The following PCDH15 variants were observed in gnomAD, a reference collection of about 807,000 sequenced individuals.
PCDH15 encodes protocadherin related 15, also known as protocadherin-15.
In PCDH15, 129 loss-of-function variants were observed where a neutral mutation model predicts 178.5. That is an observed-to-expected ratio of 0.72 (90% CI 0.63 to 0.84). The LOEUF is 0.84. PCDH15 is among the 40% of genes least tolerant of loss of function. The pLI, the probability that PCDH15 is intolerant of heterozygous loss-of-function variation, is 0.00. For missense variants in PCDH15, 2,230 were observed against 2,099.9 expected (o/e 1.06, Z -1.21); for synonymous variants, 800 against 732.0 (o/e 1.09, Z -1.50).
At chr10:54,532,176 T>G (rs2083995695) in intron 2 of PCDH15, among the ~76,000 whole-genome samples, 1 of 152,148 alleles carries the variant, frequency 6.6e-6, no homozygotes. Context: ...TTAAGCAGAG[T>G]GATCTTTATA....
chr10:55,357,645 A>G (rs1269177246), intron 2 of PCDH15, among the ~76,000 whole-genome samples: 1 of 152,032 alleles, frequency 6.6e-6, no homozygotes, highest in Non-Finnish European at 1.5e-5. Context: ...ACTACTTCTA[A>G]TAAATTGTAG....
intron 1 of PCDH15, among the ~76,000 whole-genome samples, chr10:55,190,408 G>A (rs1839917640): frequency 6.6e-6 from 1 of 151,672 alleles, no homozygotes; most frequent in African/African-American, 2.4e-5. Context: ...GCATTTTATT[G>A]TATGTAAGTT....
At chr10:54,696,681 T>C (rs184082312) in intron 1 of PCDH15, among the ~76,000 whole-genome samples, 12,031 of 151,006 alleles carry the variant, frequency 0.08, 536 homozygotes, top group South Asian at 0.15. Flanking sequence ...AGAAAATAAA[T>C]GAAAAAAAAA....
At chr10:54,371,379 A>G (rs886559915) in intron 4 of PCDH15, among the ~76,000 whole-genome samples, 1 of 151,834 alleles carries the variant, frequency 6.6e-6, no homozygotes, top group African/African-American at 2.4e-5. Context: ...AATAATATAT[A>G]GGTAGATTAT....
chr10:55,130,400 A>G (rs1163864558), intron 2 of PCDH15, among the ~76,000 whole-genome samples: 1 of 152,192 alleles, frequency 6.6e-6, no homozygotes, highest in East Asian at 1.9e-4. Flanking sequence ...AGGTTACAAA[A>G]GAACATGTGG....
rs367959761 is a variant in PCDH15 at position 55,446,021 on chromosome 10, C to T, written c.-156+181604G>A. Reference sequence around the variant, plus strand: ...TTAAACAGCAGAAAGGCACACATTGCTTCTGTTCAGTACCTAGAATGCTGG... The same window carrying T: ...TTAAACAGCAGAAAGGCACACATTGTTTCTGTTCAGTACCTAGAATGCTGG... On this transcript the variant is annotated intron_variant, in intron 2 of 5. Coordinates refer to the PCDH15 transcript ENST00000613346. Among the ~76,000 whole-genome samples the T allele has an allele frequency of 2.1e-4, 32 of 152,258 alleles. No homozygotes were observed. In the East Asian group the frequency reaches 3.3e-3, roughly 16 times the overall value.
chr10:55,111,734 T>G (rs1009428935), intron 2 of PCDH15, among the ~76,000 whole-genome samples: 1 of 151,940 alleles, frequency 6.6e-6, no homozygotes, highest in African/African-American at 2.4e-5. Context: ...TCCCAGCTAC[T>G]TGGGAGGCTG....
intron 2 of PCDH15, among the ~76,000 whole-genome samples, chr10:55,509,251 T>A (rs1840827679): frequency 6.6e-6 from 1 of 151,766 alleles, no homozygotes; most frequent in Non-Finnish European, 1.5e-5. Context: ...AGTAAATGTA[T>A]AAAATTCCCT....
chr10:54,701,096 C>G lies in PCDH15; in HGVS notation c.-28-36806G>C, dbSNP rs186862425. 2.6e-5 allele frequency among the ~76,000 whole-genome samples: 4 copies of G among 152,064 alleles called. No individual in the cohort carries two copies. In the East Asian group the frequency reaches 7.7e-4, roughly 29 times the overall value. On this transcript the variant is annotated intron_variant, in intron 1 of 37. Coordinates refer to ENST00000644397, the MANE Select transcript of PCDH15 (RefSeq NM_001384140.1). ...TAAGTGATAATGCTTCAGATTTCTT[C>G]CTACATAATTAGAAAAAATAATCAC...
intron 3 of PCDH15, among the ~76,000 whole-genome samples, chr10:54,890,142 T>G (rs1288550567): frequency 5.3e-5 from 8 of 151,936 alleles, no homozygotes; most frequent in Non-Finnish European, 1.5e-5. Context: ...TTAATGAACT[T>G]AGATGATATG....
rs114954871 is a variant in PCDH15 at position 54,262,476 on chromosome 10, C to T, written c.877-25545G>A. 1.4e-3 allele frequency among the ~76,000 whole-genome samples: 214 copies of T among 152,232 alleles called. 1 individual carries two copies. Among genetic ancestry groups the T allele is most frequent in the African/African-American group, 4.7e-3 (196 of 41,536 alleles). On this transcript the variant is annotated intron_variant, in intron 8 of 37. Coordinates refer to ENST00000644397, the MANE Select transcript of PCDH15 (RefSeq NM_001384140.1). ...CTGCCCAGCTTAAGTGTTTTGTTAA[C>T]AGCCTGGGAGAAGTTCACCACCCTG...
At chr10:55,276,499 T>C (rs1386471038) in intron 1 of PCDH15, among the ~76,000 whole-genome samples, 1 of 151,374 alleles carries the variant, frequency 6.6e-6, no homozygotes, top group Non-Finnish European at 1.5e-5. Context: ...TCTCCCTTTT[T>C]TAATGCAATG....
chr10:54,531,277 T>C (rs1333372654), intron 2 of PCDH15, among the ~76,000 whole-genome samples: 2 of 152,194 alleles, frequency 1.3e-5, no homozygotes, highest in Admixed American at 6.6e-5. Context: ...TCATTTTCCA[T>C]ATCCAATTTG....
At chr10:53,828,757 AC>A (rs2076853542) in intron 30 of PCDH15, among the ~76,000 whole-genome samples, 184 bp from the exon 31 acceptor site, 3 of 152,318 alleles carry the variant, frequency 2.0e-5, no homozygotes, top group African/African-American at 7.2e-5. Flanking sequence ...TAGTATCGTT[AC>A]CGTTAGAGTC....
At chr10:55,328,354 G>A (rs1216182093) in intron 2 of PCDH15, among the ~76,000 whole-genome samples, 1 of 151,678 alleles carries the variant, frequency 6.6e-6, no homozygotes. Context: ...AATTTATGTG[G>A]TGCAGCCTAC....
intron 16 of PCDH15, among the ~76,000 whole-genome samples, chr10:54,089,041 T>C (rs557790973): frequency 6.6e-6 from 1 of 152,340 alleles, no homozygotes; most frequent in East Asian, 1.9e-4. Context: ...ATTTTTCAAA[T>C]AGAAGTTTAC....
chr10:55,563,560 C>T (rs1167139440), intron 2 of PCDH15, among the ~76,000 whole-genome samples: 1 of 151,442 alleles, frequency 6.6e-6, no homozygotes, highest in African/African-American at 2.4e-5. Context: ...TTCAGATGTC[C>T]AGTTTTCAAC....
At chr10:54,352,760 T>A (rs142717906) in intron 5 of PCDH15, among the ~76,000 whole-genome samples, 82 of 152,284 alleles carry the variant, frequency 5.4e-4, no homozygotes, top group African/African-American at 1.9e-3. Flanking sequence ...AGCCACTTCA[T>A]GTCAATTAAT....
intron 1 of PCDH15, among the ~76,000 whole-genome samples, chr10:55,173,535 C>T (rs1484920174): frequency 1.3e-5 from 2 of 151,912 alleles, no homozygotes; most frequent in Non-Finnish European, 2.9e-5. Context: ...TTTTTACATA[C>T]ATGTGTGGTT....
Sources: gnomAD v4.1 joint callset for allele counts (sites outside exome capture counted in the v4.1 genomes callset) on GRCh38, gnomAD v4.1.1 for gene constraint, MANE v1.5 for transcripts, NCBI Gene and HGNC (gene_info 2026-07-23, HGNC 2026-07-21) for gene names.